Variants in FBXL2 observed in about 807,000 individuals in gnomAD.
FBXL2 encodes the protein F-box/LRR-repeat protein 2.
Under a neutral mutation model 69.2 loss-of-function variants are expected in FBXL2, and 38 were observed. The ratio of observed to expected loss-of-function variants is 0.55; its 90% CI spans 0.42 to 0.72. The LOEUF is 0.72. FBXL2 is among the 30% of genes least tolerant of loss of function. The probability of loss-of-function intolerance (pLI) is 0.00; values close to 1 mark genes in which losing one functional copy is unlikely to be tolerated. For synonymous variants in FBXL2, 192 were observed against 201.3 expected (o/e 0.95, Z 0.39); for missense variants, 354 against 520.3 (o/e 0.68, Z 3.11).
chr3:33,313,448 T>G (rs572922655), intron 2 of FBXL2, among the ~76,000 whole-genome samples: 25 of 152,120 alleles, frequency 1.6e-4, no homozygotes, highest in African/African-American at 6.0e-4. Context: ...TTCCAGAAAT[T>G]TGCTTGTTTG....
the FBXL2 span, chr3:33,416,675 T>C: frequency 9.3e-7 from 1 of 1,072,754 alleles, no homozygotes; most frequent in Non-Finnish European, 1.3e-6. Context: ...CAACAATTAT[T>C]GAAGTGAAAT....
intron 5 of FBXL2, among the ~76,000 whole-genome samples, chr3:33,365,746 C>T (rs909329054): frequency 1.4e-5 from 2 of 138,164 alleles, no homozygotes; most frequent in African/African-American, 5.6e-5. Context: ...AACAAACAAA[C>T]AAACAAACCA....
the FBXL2 span, among the ~76,000 whole-genome samples, chr3:33,420,174 G>T: frequency 6.6e-6 from 1 of 152,120 alleles, no homozygotes; most frequent in African/African-American, 2.4e-5. Context: ...TTCCTATCAT[G>T]AAACTTTAGT....
chr3:33,332,831 T>A (rs1402506972), intron 2 of FBXL2, among the ~76,000 whole-genome samples: 1 of 152,238 alleles, frequency 6.6e-6, no homozygotes, highest in East Asian at 1.9e-4. Flanking sequence ...AGGATCACCA[T>A]CATATATGTG....
intron 2 of FBXL2, among the ~76,000 whole-genome samples, chr3:33,328,958 C>G (rs112426004): frequency 0.096 from 14,589 of 151,998 alleles, 728 homozygotes; most frequent in African/African-American, 0.11. Context: ...CAGAATGGGA[C>G]TAAATGTTTG....
the FBXL2 span, chr3:33,408,914 A>C: frequency 9.6e-7 from 1 of 1,039,520 alleles, no homozygotes; most frequent in Non-Finnish European, 1.4e-6. Flanking sequence ...CAGGATTCAA[A>C]GTTAAAAAAA....
At chr3:33,315,081 A>C (rs1237424843) in intron 2 of FBXL2, among the ~76,000 whole-genome samples, 1 of 152,194 alleles carries the variant, frequency 6.6e-6, no homozygotes, top group Non-Finnish European at 1.5e-5. Flanking sequence ...AGAAATTAAA[A>C]AGATGTGTGC....
At chr3:33,411,067 C>T in the FBXL2 span, among the ~76,000 whole-genome samples, 95 of 137,050 alleles carry the variant, frequency 6.9e-4, no homozygotes, top group African/African-American at 2.3e-3. Flanking sequence ...AATGAAACTC[C>T]ATCTCAAAAA....
chr3:33,412,792 T>C, the FBXL2 span: 19 of 1,614,108 alleles, frequency 1.2e-5, no homozygotes, highest in Non-Finnish European at 1.6e-5. Context: ...CTGTGTATTG[T>C]AGCCGTCTGT....
chr3:33,358,633 A>G (rs958991211), intron 2 of FBXL2, among the ~76,000 whole-genome samples: 3 of 152,220 alleles, frequency 2.0e-5, no homozygotes, highest in Non-Finnish European at 2.9e-5. Flanking sequence ...TGTTCAGTGC[A>G]TCTACCACCA....
At chr3:33,298,230 T>C (rs1159956157) in intron 2 of FBXL2, among the ~76,000 whole-genome samples, 1 of 152,226 alleles carries the variant, frequency 6.6e-6, no homozygotes, top group Admixed American at 6.5e-5. Context: ...TAGTATAAAA[T>C]AGGCTTTTTG....
chr3:33,411,431 C>G, the FBXL2 span: 1 of 618,878 alleles, frequency 1.6e-6, no homozygotes. Context: ...GGTGAACTTA[C>G]TAGATTAAAC....
At chr3:33,352,643 C>A (rs923459625) in intron 2 of FBXL2, among the ~76,000 whole-genome samples, 1 of 152,176 alleles carries the variant, frequency 6.6e-6, no homozygotes, top group East Asian at 1.9e-4. Context: ...CGCCTGTAAT[C>A]CCAACACTTT....
chr3:33,380,574 A>G (rs983877982), intron 13 of FBXL2, among the ~76,000 whole-genome samples: 1 of 146,848 alleles, frequency 6.8e-6, no homozygotes, highest in Non-Finnish European at 1.5e-5. Context: ...AAAAAAAAAA[A>G]GTACCAGGAA....
the FBXL2 span, among the ~76,000 whole-genome samples, chr3:33,422,422 A>C: frequency 1.3e-5 from 2 of 151,952 alleles, no homozygotes; most frequent in African/African-American, 4.8e-5. Flanking sequence ...GGAGGGAGGA[A>C]AGAAGAAAAA....
chr3:33,301,124 A>G (rs1197254391), intron 2 of FBXL2, among the ~76,000 whole-genome samples: 1 of 152,126 alleles, frequency 6.6e-6, no homozygotes, highest in Non-Finnish European at 1.5e-5. Flanking sequence ...CCACCTCATG[A>G]AGCTTAAATC....
At chr3:33,351,665 G>A (rs894853923) in intron 2 of FBXL2, among the ~76,000 whole-genome samples, 10 of 152,276 alleles carry the variant, frequency 6.6e-5, no homozygotes, top group Non-Finnish European at 1.2e-4. Context: ...GTGAGCAACA[G>A]GAGCAACAAG....
chr3:33,338,513 T>G (rs1156281109), intron 2 of FBXL2, among the ~76,000 whole-genome samples: 1 of 152,042 alleles, frequency 6.6e-6, no homozygotes, highest in Non-Finnish European at 1.5e-5. Flanking sequence ...ATCACCCACA[T>G]GGACTTCAAA....
At chr3:33,402,797 A>C in intron 12 of FBXL2, 1 of 1,554,518 alleles carries the variant, frequency 6.4e-7, no homozygotes, top group Non-Finnish European at 8.7e-7. Context: ...CACAAACTAG[A>C]TACCTGTCTG....
Sources: gnomAD v4.1 joint callset for allele counts (sites outside exome capture counted in the v4.1 genomes callset) on GRCh38, gnomAD v4.1.1 for gene constraint, MANE v1.5 for transcripts, NCBI Gene and HGNC (gene_info 2026-07-23, HGNC 2026-07-21) for gene names.